The following VPS37C variants were observed in gnomAD, a reference collection of about 807,000 sequenced individuals.
VPS37C encodes VPS37C subunit of ESCRT-I, also known as vacuolar protein sorting-associated protein 37C.
In VPS37C, 9 loss-of-function variants were observed where a neutral mutation model predicts 16.1. The ratio of observed to expected loss-of-function variants is 0.56; its 90% CI spans 0.34 to 0.97. The LOEUF is 0.97. VPS37C is among the 50% of genes least tolerant of loss of function. VPS37C has a pLI of 0.02. For missense variants in VPS37C, 479 were observed against 472.7 expected, an observed-to-expected ratio of 1.01 and a Z score of -0.12; for synonymous variants, 207 against 206.4, an observed-to-expected ratio of 1.00 and a Z score of -0.02.
At chr11:61,153,600 AT>A (rs112198969) in intron 1 of VPS37C, among the ~76,000 whole-genome samples, 11,552 of 152,298 alleles carry the variant, frequency 0.076, 492 homozygotes, top group Non-Finnish European at 0.11. Context: ...AACAAAACAC[AT>A]AAAATGATAG....
At chr11:61,157,511 T>C (rs539216968) in intron 1 of VPS37C, among the ~76,000 whole-genome samples, 1 of 152,250 alleles carries the variant, frequency 6.6e-6, no homozygotes, top group Admixed American at 6.5e-5. Context: ...CATCTTTTCA[T>C]GTGCTTATTG....
In VPS37C at chr11:61,137,357, CCT is replaced by C. The variant is rs532233754; in HGVS notation, c.93+1378_93+1379del. Among the ~76,000 whole-genome samples the C allele has an allele frequency of 4.1e-4, 62 of 152,266 alleles. 1 individual carries two copies. The South Asian group carries it at 0.013, about 31-fold the overall frequency. Reference sequence around the variant, plus strand: ...TACCTGATCCACGAGTGTTTTTTCCCCTCAGAGAGTTCAGATCGATGGGACAG... The same window carrying C: ...TACCTGATCCACGAGTGTTTTTTCCCCAGAGAGTTCAGATCGATGGGACAG... On this transcript the variant is annotated intron_variant, in intron 2 of 4. Coordinates refer to ENST00000301765, the MANE Select transcript of VPS37C (RefSeq NM_017966.5).
intron 2 of VPS37C, among the ~76,000 whole-genome samples, chr11:61,135,227 TG>T (rs1861346935): frequency 6.6e-6 from 1 of 152,230 alleles, no homozygotes; most frequent in Non-Finnish European, 1.5e-5. Context: ...GTGGGCATTC[TG>T]GAAGAGGCGG....
chr11:61,136,485 C>T (rs773617946), intron 2 of VPS37C, among the ~76,000 whole-genome samples: 13 of 152,166 alleles, frequency 8.5e-5, no homozygotes, highest in Non-Finnish European at 1.6e-4. Flanking sequence ...GATCATCACA[C>T]ATTCTATGCA....
intron 2 of VPS37C, among the ~76,000 whole-genome samples, chr11:61,137,973 A>G (rs1861409563): frequency 6.6e-6 from 1 of 152,236 alleles, no homozygotes; most frequent in Admixed American, 6.5e-5. Context: ...AGTTCACAGA[A>G]GAGACACACC....
rs1861285616 is a variant in VPS37C, at chr11:61,132,416, T to C, written c.472A>G (p.Arg158Gly). 6.8e-6 allele frequency: 11 copies of C among 1,609,908 alleles called. No individual in the cohort carries two copies. The highest frequency in any genetic ancestry group is 8.5e-6 in the Non-Finnish European group (10 of 1,178,192). The change falls in exon 5 of 5, where the codon AGG becomes GGG. Residue 158 changes from arginine to glycine, a missense_variant. Physicochemically the swap from Arg to Gly is moderately radical, Grantham distance 125 (BLOSUM62 -2). Transcript: ENST00000301765. The stretch of plus-strand genomic sequence containing the variant: ...AGCTCCTGGGAAGCCCTGGGCTTCC[T>C]CACCACTTCCTGGAGCTTTTCCACG... ...VRVEKLQEVVRKPRASQELAG... is the reference protein window; with the variant it reads ...VRVEKLQEVVGKPRASQELAG...
intron 1 of VPS37C, 102 bp from the exon 2 acceptor site, chr11:61,138,937 GC>G: frequency 9.4e-7 from 1 of 1,064,116 alleles, no homozygotes; most frequent in Admixed American, 1.8e-5. Context: ...GAGTTTTCCT[GC>G]GATAATACCA....
At position 61,132,888 on chromosome 11, in the gene VPS37C, C is replaced by T. The variant is rs147463657; in HGVS notation, c.349-349G>A. ...GGCCTAGAAGCTTCTTCCACCCAGA[C>T]ACAGAGTGGACAGCACCAGTTTGCC... On this transcript the variant is annotated intron_variant, in intron 4 of 4. Coordinates refer to ENST00000301765, the MANE Select transcript of VPS37C (RefSeq NM_017966.5). The T allele has an allele frequency of 4.9e-4, 258 of 526,442 alleles. 2 individuals are homozygous for T. The highest frequency in any genetic ancestry group is 2.1e-3 in the South Asian group (103 of 48,824). The allele number at this position is 526,442 out of a possible 1,614,324, so 32.6% of individuals were successfully genotyped here.
chr11:61,157,149 C>A (rs676821), intron 1 of VPS37C, among the ~76,000 whole-genome samples: 113,113 of 152,282 alleles, frequency 0.74, 43,534 homozygotes, highest in East Asian at 1. Context: ...TCCATGGACG[C>A]TTGAATGGCT....
chr11:61,141,772 A>G (rs1861475558), intron 1 of VPS37C, among the ~76,000 whole-genome samples: 1 of 152,224 alleles, frequency 6.6e-6, no homozygotes, highest in Non-Finnish European at 1.5e-5. Context: ...AGCTGCACCC[A>G]TATCGGCTCC....
Position 61,134,025 on chromosome 11 carries a change from A to G in VPS37C, c.265+11T>C. ...AATGGGGACCCTGAGTTCACAGAGGAGCCACCCTACCCAGCTTTGCCTTCT... is the reference window on the plus strand; with the variant it reads ...AATGGGGACCCTGAGTTCACAGAGGGGCCACCCTACCCAGCTTTGCCTTCT... On this transcript the variant is annotated intron_variant, in intron 3 of 4. Coordinates refer to ENST00000301765, the MANE Select transcript of VPS37C (RefSeq NM_017966.5). 2 of 1,600,032 alleles carry G rather than the reference A, an allele frequency of 1.2e-6. No homozygotes were observed. Among genetic ancestry groups the G allele is most frequent in the Non-Finnish European group, 8.6e-7 (1 of 1,169,116 alleles).
At chr11:61,157,406 A>C (rs1853394321) in intron 1 of VPS37C, among the ~76,000 whole-genome samples, 2 of 100,432 alleles carry the variant, frequency 2.0e-5, no homozygotes, top group Admixed American at 2.1e-4. Flanking sequence ...CTTATTATTT[A>C]CTGTTGTTGT....
intron 1 of VPS37C, among the ~76,000 whole-genome samples, chr11:61,139,157 GGA>G (rs1425615901): frequency 6.6e-6 from 1 of 152,226 alleles, no homozygotes; most frequent in Admixed American, 6.5e-5. Flanking sequence ...AAAGGCAGGA[GGA>G]GAGGGCCAGG....
intron 1 of VPS37C, among the ~76,000 whole-genome samples, chr11:61,159,953 G>A (rs909869128): frequency 6.7e-6 from 1 of 148,250 alleles, no homozygotes; most frequent in Non-Finnish European, 1.5e-5. Flanking sequence ...CTTACTGGCT[G>A]TGTGACACTA....
chr11:61,156,738 G>A (rs140531235), intron 1 of VPS37C, among the ~76,000 whole-genome samples: 7 of 152,226 alleles, frequency 4.6e-5, no homozygotes, highest in African/African-American at 1.2e-4. Context: ...TGTTTTATAC[G>A]TAACAAAATT....
chr11:61,141,273 C>T (rs529492162), intron 1 of VPS37C, among the ~76,000 whole-genome samples: 18 of 151,664 alleles, frequency 1.2e-4, no homozygotes, highest in Non-Finnish European at 2.2e-4. Flanking sequence ...GAGGCCCAGG[C>T]ACCAGAATCA....
chr11:61,132,182 A>C lies in VPS37C; in HGVS notation c.706T>G (p.Phe236Val). The change falls in exon 5 of 5, where the codon TTC becomes GTC. Residue 236 changes from phenylalanine to valine, a missense_variant. Coordinates refer to ENST00000301765, the MANE Select transcript of VPS37C (RefSeq NM_017966.5). ...GTGGGGCCCAGAGGCCCGCTGTAGA[A>C]GGAGGGCTGGGACACTACTGGGAAA... The part of the protein sequence containing the change: ...APFPVVSQPS[F>V]YSGPLGPTYP... 2 of 1,482,852 alleles carry C rather than the reference A, an allele frequency of 1.3e-6. No homozygotes were observed. The highest frequency in any genetic ancestry group is 1.8e-6 in the Non-Finnish European group (2 of 1,116,128). The allele number at this position is 1,482,852 out of a possible 1,614,324, so 91.9% of individuals were successfully genotyped here.
chr11:61,161,133 G>C (rs983112058), intron 1 of VPS37C: 4 of 152,330 alleles, frequency 2.6e-5, no homozygotes, highest in African/African-American at 7.2e-5. Flanking sequence ...GGTGAGTGGT[G>C]GGGCGGAACT....
chr11:61,146,655 T>C (rs1853211008), intron 1 of VPS37C, among the ~76,000 whole-genome samples: 2 of 152,052 alleles, frequency 1.3e-5, no homozygotes, highest in Admixed American at 1.3e-4. Flanking sequence ...TTTTCTGGGG[T>C]GATATCATCA....
Sources: gnomAD v4.1 joint callset for allele counts (sites outside exome capture counted in the v4.1 genomes callset) on GRCh38, gnomAD v4.1.1 for gene constraint, MANE v1.5 for transcripts, NCBI Gene and HGNC (gene_info 2026-07-23, HGNC 2026-07-21) for gene names.